The following SLC50A1 variants were observed in gnomAD, a reference collection of about 807,000 sequenced individuals.
SLC50A1 encodes the protein sugar transporter SWEET1.
Under a neutral mutation model 28.9 loss-of-function variants are expected in SLC50A1, and 22 were observed. That is an observed-to-expected ratio of 0.76 (90% CI 0.54 to 1.09). The LOEUF (loss-of-function observed/expected upper bound fraction) is 1.09. Ranked by LOEUF, SLC50A1 falls within the 50% of genes least tolerant of loss-of-function variation. The pLI, the probability that SLC50A1 is intolerant of heterozygous loss-of-function variation, is 0.00. For missense variants in SLC50A1, 233 were observed against 273.4 expected, an observed-to-expected ratio of 0.85 and a Z score of 1.04; for synonymous variants, 96 against 110.6, an observed-to-expected ratio of 0.87 and a Z score of 0.83.
intron 2 of SLC50A1, chr1:155,136,586 A>T (rs1482611451): frequency 1.4e-6 from 1 of 693,836 alleles, no homozygotes; most frequent in Non-Finnish European, 2.4e-6. Flanking sequence ...TACTAAAAAT[A>T]CAAAAAATTA....
In SLC50A1 at chr1:155,136,871, A is replaced by ATCC. The variant is rs751771873; in HGVS notation, c.205_207dup (p.Leu69dup). 3.7e-6 allele frequency: 6 copies of ATCC among 1,614,176 alleles called. No homozygotes were observed. In the South Asian group the frequency reaches 6.6e-5, roughly 18 times the overall value. On this transcript the variant is annotated inframe_insertion, in exon 3 of 6. Transcript: ENST00000368404. ...TTATGGGGCTTTGAAGGGAGACGGG[A>ATCC]TCCTCATCGTCGTCAACACAGTGGG...
Position 155,135,990 on chromosome 1 carries a change from CTG to C in SLC50A1, c.80+2_80+3del, listed in dbSNP as rs765136235. On this transcript the variant is annotated splice_donor_variant and coding_sequence_variant, in exon 1 of 6. Coordinates refer to ENST00000368404, the MANE Select transcript of SLC50A1 (RefSeq NM_018845.4). LOFTEE classifies it high-confidence loss of function. ...CACCCTTGGCATGTTCTCCGCCGGCCTGTGAGAGTGCGGCCGGGCTGGGTTGG... is the reference window on the plus strand; with the variant it reads ...CACCCTTGGCATGTTCTCCGCCGGCCTGAGAGTGCGGCCGGGCTGGGTTGG... 2 of 1,614,090 alleles carry C rather than the reference CTG, an allele frequency of 1.2e-6. No individual in the cohort carries two copies. The highest frequency in any genetic ancestry group is 2.2e-5 in the East Asian group (1 of 44,870).
Position 155,136,384 on chromosome 1 carries a change from G to T in SLC50A1, c.158+8G>T, listed in dbSNP as rs1268294343. 7 of 1,609,802 alleles carry T rather than the reference G, an allele frequency of 4.3e-6. No homozygotes were observed. In the South Asian group the frequency reaches 6.6e-5, roughly 15 times the overall value. ...TCTCACCACGGAAGTCAAGTGAGGG[G>T]CCGACGGCTGCGGTAGTGGGAAAGG... On this transcript the variant is annotated splice_region_variant and intron_variant, in intron 2 of 5. Transcript: ENST00000368404.
At chr1:155,137,889 G>A (rs1039360599) in intron 4 of SLC50A1, 90 bp from the exon 5 acceptor site, 2 of 1,603,258 alleles carry the variant, frequency 1.2e-6, no homozygotes, top group Non-Finnish European at 1.7e-6. Flanking sequence ...GATCAGGGAG[G>A]GTGTCTGACC....
Position 155,136,815 on chromosome 1 carries a change from C to T in SLC50A1, c.159-13C>T. The T allele has an allele frequency of 1.9e-6, 3 of 1,614,156 alleles. No homozygotes were observed. Among genetic ancestry groups the T allele is most frequent in the Non-Finnish European group, 2.5e-6 (3 of 1,180,018 alleles). ...GAACCCTTTGAGCCATGTCCATCCC[C>T]TCCACCCTGCAGCAACCTGGGCTGG... On this transcript the variant is annotated splice_polypyrimidine_tract_variant and intron_variant, in intron 2 of 5. Transcript: ENST00000368404.
chr1:155,136,014 T>C lies in SLC50A1; in HGVS notation c.80+23T>C, dbSNP rs1243589731. On this transcript the variant is annotated intron_variant, in intron 1 of 5. Coordinates refer to ENST00000368404, the MANE Select transcript of SLC50A1 (RefSeq NM_018845.4). ...CCTGTGAGAGTGCGGCCGGGCTGGG[T>C]TGGGGAGGACTAGGCAGTCAGGAAA... is the stretch of plus-strand genomic sequence containing the variant. The C allele has an allele frequency of 8.7e-6, 14 of 1,612,798 alleles. No homozygotes were observed. The East Asian group carries it at 1.1e-4, about 13-fold the overall frequency.
rs1664416272 is a variant in SLC50A1 at position 155,135,888 on chromosome 1, G to T, written c.-24G>T. On this transcript the variant is annotated 5_prime_UTR_variant, in exon 1 of 6. Coordinates refer to ENST00000368404, the MANE Select transcript of SLC50A1 (RefSeq NM_018845.4). ...ACCGCAGGCTCGCGGCGGGCGCTGG[G>T]CGCGGGATCCGACTCTAGTCGTAAT... 6.2e-7 allele frequency: 1 copy of T among 1,608,714 alleles called. No homozygotes were observed. The highest frequency in any genetic ancestry group is 1.1e-5 in the South Asian group (1 of 90,694).
chr1:155,135,874 G>T lies in SLC50A1; in HGVS notation c.-38G>T, dbSNP rs1331128608. The T allele has an allele frequency of 1.9e-6, 3 of 1,592,428 alleles. No individual in the cohort carries two copies. The highest frequency in any genetic ancestry group is 2.6e-6 in the Non-Finnish European group (3 of 1,171,852). Reference sequence around the variant, plus strand: ...AGTAGGTCCCGGCAACCGCAGGCTCGCGGCGGGCGCTGGGCGCGGGATCCG... The same window carrying T: ...AGTAGGTCCCGGCAACCGCAGGCTCTCGGCGGGCGCTGGGCGCGGGATCCG... On this transcript the variant is annotated 5_prime_UTR_variant, in exon 1 of 6. Coordinates refer to ENST00000368404, the MANE Select transcript of SLC50A1 (RefSeq NM_018845.4).
In SLC50A1 at chr1:155,135,852, AGGTCCCGGCAACCGCAG is replaced by A; in HGVS notation, c.-58_-42del. The A allele has an allele frequency of 1.9e-6, 3 of 1,608,962 alleles. No homozygotes were observed. The highest frequency in any genetic ancestry group is 2.5e-6 in the Non-Finnish European group (3 of 1,177,886). On this transcript the variant is annotated 5_prime_UTR_variant, in exon 1 of 6. Transcript: ENST00000368404. The stretch of plus-strand genomic sequence containing the variant: ...CAGAGCCGCAGGTCTGGGCTGCAGT[AGGTCCCGGCAACCGCAG>A]GCTCGCGGCGGGCGCTGGGCGCGGG...
At chr1:155,135,724 C>G (rs561756583), upstream of SLC50A1, 1 of 1,549,398 alleles carries the variant, frequency 6.5e-7, no homozygotes, top group South Asian at 1.2e-5. Context: ...GAGAGGGGCG[C>G]GAGTTCCGGT....
Position 155,135,987 on chromosome 1 carries a change from G to A in SLC50A1, c.76G>A (p.Gly26Ser). ...VVFTLGMFSA[G>S]LSDLRHMRMT... ...CTTCACCCTTGGCATGTTCTCCGCC[G>A]GCCTGTGAGAGTGCGGCCGGGCTGG... The change falls in exon 1 of 6, where the codon GGC becomes AGC. Residue 26 changes from glycine (G) to serine (S), a missense_variant. Physicochemically the swap from Gly to Ser is moderately conservative, Grantham distance 56. Coordinates refer to ENST00000368404, the MANE Select transcript of SLC50A1 (RefSeq NM_018845.4). 1 of 1,614,086 alleles carries A rather than the reference G, an allele frequency of 6.2e-7. No individual in the cohort carries two copies. Among genetic ancestry groups the A allele is most frequent in the Non-Finnish European group, 8.5e-7 (1 of 1,180,008 alleles).
Position 155,135,985 on chromosome 1 carries a change from C to A in SLC50A1, c.74C>A (p.Ala25Asp). 6.2e-7 allele frequency: 1 copy of A among 1,614,110 alleles called. No individual in the cohort carries two copies. Among genetic ancestry groups the A allele is most frequent in the Non-Finnish European group, 8.5e-7 (1 of 1,180,006 alleles). Reference protein sequence around the residue: ...CVVFTLGMFSAGLSDLRHMRM... With the variant: ...CVVFTLGMFSDGLSDLRHMRM... ...GTCTTCACCCTTGGCATGTTCTCCG[C>A]CGGCCTGTGAGAGTGCGGCCGGGCT... Residue 25 changes from alanine (A) to aspartate (D), a missense_variant, in exon 1 of 6, where the codon GCC (alanine) becomes GAC (aspartate). Ala to Asp is a moderately radical substitution (Grantham distance 126, BLOSUM62 -2). Coordinates refer to ENST00000368404, the MANE Select transcript of SLC50A1 (RefSeq NM_018845.4).
At chr1:155,135,686 G>C (rs1361438966), upstream of SLC50A1, 2 of 1,550,342 alleles carry the variant, frequency 1.3e-6, no homozygotes, top group East Asian at 2.4e-5. Context: ...AAGAGGTCTG[G>C]ACCAGGGTAC....
At position 155,137,605 on chromosome 1, in the gene SLC50A1, C is replaced by G. The variant is rs756044004; in HGVS notation, c.327C>G (p.Leu109=). ...CTGCAACCCTGCTAGGGGTCCTTCT[C>G]CTGGGTTATGGCTACTTTTGGCTCC... is the stretch of plus-strand genomic sequence containing the variant. ...LQTATLLGVL[L]LGYGYFWLLV... The change falls in exon 4 of 6, where the codon CTC becomes CTG. Residue 109 remains leucine, a synonymous_variant. Transcript: ENST00000368404. The G allele has an allele frequency of 6.2e-7, 1 of 1,614,174 alleles. No homozygotes were observed. The highest frequency in any genetic ancestry group is 1.1e-5 in the South Asian group (1 of 91,080).
chr1:155,137,924 A>C, intron 4 of SLC50A1, 55 bp from the exon 5 acceptor site: 1 of 1,612,036 alleles, frequency 6.2e-7, no homozygotes. Context: ...ATTCTTAGGC[A>C]AGTGAAGCTT....
upstream of SLC50A1, chr1:155,135,661 C>T: frequency 6.4e-7 from 1 of 1,550,424 alleles, no homozygotes; most frequent in South Asian, 1.2e-5. Flanking sequence ...AGGAAGGGGA[C>T]TGACCGGGAC....
Position 155,135,975 on chromosome 1 carries a change from A to C in SLC50A1, c.64A>C (p.Met22Leu). 1 of 1,613,918 alleles carries C rather than the reference A, an allele frequency of 6.2e-7. No individual in the cohort carries two copies. Among genetic ancestry groups the C allele is most frequent in the Middle Eastern group, 1.7e-4 (1 of 6,060 alleles). Residue 22 changes from methionine (M) to leucine (L), a missense_variant, in exon 1 of 6, where the codon ATG becomes CTG. By Grantham distance (15) the Met-to-Leu change is conservative (BLOSUM62 2). Coordinates refer to ENST00000368404, the MANE Select transcript of SLC50A1 (RefSeq NM_018845.4). Reference sequence around the variant, plus strand: ...AGCATGCGTGGTCTTCACCCTTGGCATGTTCTCCGCCGGCCTGTGAGAGTG... The same window carrying C: ...AGCATGCGTGGTCTTCACCCTTGGCCTGTTCTCCGCCGGCCTGTGAGAGTG... Reference protein sequence around the residue: ...YGACVVFTLGMFSAGLSDLRH... With the variant: ...YGACVVFTLGLFSAGLSDLRH...
rs1664461437 is a variant in SLC50A1, at chr1:155,136,289, C to T, written c.81-10C>T. Reference sequence around the variant, plus strand: ...CCACCCCCACCCCTCCCTTCGGGGCCCCATTACAGCTCGGACCTCAGGCAC... The same window carrying T: ...CCACCCCCACCCCTCCCTTCGGGGCTCCATTACAGCTCGGACCTCAGGCAC... On this transcript the variant is annotated splice_polypyrimidine_tract_variant and intron_variant, in intron 1 of 5. Transcript: ENST00000368404. 6.3e-7 allele frequency: 1 copy of T among 1,597,734 alleles called. No homozygotes were observed. Among genetic ancestry groups the T allele is most frequent in the Non-Finnish European group, 8.5e-7 (1 of 1,170,386 alleles).
chr1:155,137,038 G>A (rs1490239850), intron 3 of SLC50A1, 87 bp downstream of exon 3: 7 of 1,536,902 alleles, frequency 4.6e-6, no homozygotes, highest in Non-Finnish European at 6.2e-6. Context: ...GACTGTAACA[G>A]CTGGCACTGC....
Sources: allele counts gnomAD v4.1 joint callset, GRCh38; gene constraint gnomAD v4.1.1; transcripts MANE v1.5; gene names NCBI Gene and HGNC (gene_info 2026-07-23, HGNC 2026-07-21).